Variants in CLMN observed in about 807,000 individuals in gnomAD.
The protein encoded by CLMN is calmin (calponin-like, transmembrane).
CLMN carries 57 observed loss-of-function variants against 92.7 expected under a neutral mutation model. The observed-to-expected ratio is 0.61, with a 90% CI of 0.50 to 0.77. The LOEUF is 0.77. Among genes scored for constraint, CLMN ranks in the 30% least tolerant of loss-of-function variants. The pLI is 0.00. For synonymous variants in CLMN, 466 were observed against 470.6 expected (o/e 0.99, Z 0.13); for missense variants, 1,158 against 1,237.5 (o/e 0.94, Z 0.96).
chr14:95,195,993 T>C (rs1157693611), intron 10 of CLMN, among the ~76,000 whole-genome samples: 2 of 152,214 alleles, frequency 1.3e-5, no homozygotes, highest in East Asian at 1.9e-4. Flanking sequence ...CAAGCATCCC[T>C]ACTTCCTTGG....
intron 4 of CLMN, among the ~76,000 whole-genome samples, chr14:95,216,632 TTAGAAA>T (rs1566873255): frequency 5.3e-5 from 8 of 152,224 alleles, no homozygotes; most frequent in Non-Finnish European, 1.0e-4. Context: ...TGACTGCTAA[TTAGAAA>T]TAGTGTACTG....
At chr14:95,286,493 T>G (rs188095243) in intron 1 of CLMN, among the ~76,000 whole-genome samples, 1 of 152,186 alleles carries the variant, frequency 6.6e-6, no homozygotes, top group Non-Finnish European at 1.5e-5. Flanking sequence ...AAATGGGGAG[T>G]GACTCCTTAA....
intron 1 of CLMN, among the ~76,000 whole-genome samples, chr14:95,298,521 C>T (rs545500598): frequency 3.3e-5 from 5 of 152,310 alleles, no homozygotes; most frequent in East Asian, 1.9e-4. Flanking sequence ...TAACCTCAGT[C>T]GCAGGAATGT....
At chr14:95,208,228 G>C (rs1897099406) in intron 8 of CLMN, among the ~76,000 whole-genome samples, 1 of 152,124 alleles carries the variant, frequency 6.6e-6, no homozygotes, top group South Asian at 2.1e-4. Context: ...CGCTCCACAA[G>C]GCCAGGGACC....
chr14:95,206,954 CT>C (rs5810716), intron 8 of CLMN, among the ~76,000 whole-genome samples: 159 of 147,602 alleles, frequency 1.1e-3, no homozygotes, highest in South Asian at 7.9e-3. Flanking sequence ...ATAATCACTA[CT>C]TTTTTTTTTT....
At chr14:95,311,539 A>G (rs1185104510) in intron 1 of CLMN, among the ~76,000 whole-genome samples, 1 of 152,084 alleles carries the variant, frequency 6.6e-6, no homozygotes, top group African/African-American at 2.4e-5. Context: ...AATTCCCCAA[A>G]TCCTGCTTGC....
intron 1 of CLMN, among the ~76,000 whole-genome samples, chr14:95,302,055 A>C (rs1356726158): frequency 6.6e-6 from 1 of 152,208 alleles, no homozygotes; most frequent in Admixed American, 6.5e-5. Context: ...CCCATCTCGA[A>C]AAAAGAAAGG....
chr14:95,285,605 C>T (rs535640522), intron 1 of CLMN, among the ~76,000 whole-genome samples: 1 of 152,212 alleles, frequency 6.6e-6, no homozygotes, highest in East Asian at 1.9e-4. Flanking sequence ...GTATGACAGG[C>T]CCCACAGAGT....
At position 95,236,849 on chromosome 14, in the gene CLMN, C is replaced by T. The variant is rs567009395; in HGVS notation, c.83-6716G>A. 3.3e-5 allele frequency among the ~76,000 whole-genome samples: 5 copies of T among 152,074 alleles called. No individual in the cohort carries two copies. The South Asian group carries it at 6.2e-4, about 19-fold the overall frequency. On this transcript the variant is annotated intron_variant, in intron 1 of 12. Transcript: ENST00000298912. The stretch of plus-strand genomic sequence containing the variant: ...AGGTTGTGAGGACCAAGTTTATTAG[C>T]GCTGTCCTTGCCATACCATGTGGGG...
At position 95,191,390 on chromosome 14, in the gene CLMN, A is replaced by G. The variant is rs78223655; in HGVS notation, c.*174T>C. 2 of 449,754 alleles carry G rather than the reference A, an allele frequency of 4.4e-6. No individual in the cohort carries two copies. The highest frequency in any genetic ancestry group is 4.6e-5 in the South Asian group (1 of 21,714). 27.9% of individuals were successfully genotyped at this position (449,754 alleles called of 1,614,324 possible). On this transcript the variant is annotated 3_prime_UTR_variant, in exon 13 of 13. Transcript: ENST00000298912. The surrounding 1 kb of genome is among the most constrained non-coding windows in gnomAD (Gnocchi z 5.3). ...AAAAAAGCATGCTCAGGTTGTCCAG[A>G]AAAAAAAGGAAACCTGAAAAAAAAA...
chr14:95,211,666 AC>A (rs56012923), intron 6 of CLMN, among the ~76,000 whole-genome samples: 13,767 of 147,858 alleles, frequency 0.093, 1,095 homozygotes, highest in East Asian at 0.41. Flanking sequence ...AAAAAAAAAA[AC>A]CAAAAACAAC....
At chr14:95,271,387 C>T (rs899846339) in intron 1 of CLMN, among the ~76,000 whole-genome samples, 4 of 152,154 alleles carry the variant, frequency 2.6e-5, no homozygotes, top group Non-Finnish European at 5.9e-5. Context: ...CGTGTTCTCC[C>T]GACCTGTCTA....
rs1897836722 is a variant in CLMN, at chr14:95,230,118, A to C, written c.98T>G (p.Val33Gly). 6 of 1,614,108 alleles carry C rather than the reference A, an allele frequency of 3.7e-6. No individual in the cohort carries two copies. The highest frequency in any genetic ancestry group is 5.1e-6 in the Non-Finnish European group (6 of 1,180,040). The change falls in exon 2 of 13, where the codon GTG becomes GGG. Residue 33 changes from valine (V) to glycine (G), a missense_variant. Physicochemically the swap from Val to Gly is moderately radical, Grantham distance 109 (BLOSUM62 -3). Coordinates refer to ENST00000298912, the MANE Select transcript of CLMN (RefSeq NM_024734.4). ...CCATCGTGTAAAGGTCCTCTTCTGCACATTTTCCCTCTCAACTGAAAACAA... is the reference window on the plus strand; with the variant it reads ...CCATCGTGTAAAGGTCCTCTTCTGCCCATTTTCCCTCTCAACTGAAAACAA... Reference protein sequence around the residue: ...VQNLQVERENVQKRTFTRWIN... With the variant: ...VQNLQVERENGQKRTFTRWIN...
At chr14:95,281,609 A>T (rs1900146708) in intron 1 of CLMN, among the ~76,000 whole-genome samples, 1 of 152,170 alleles carries the variant, frequency 6.6e-6, no homozygotes, top group South Asian at 2.1e-4. Context: ...AAAAATCTAG[A>T]TTGATTTTCT....
chr14:95,285,281 G>A (rs991703173), intron 1 of CLMN, among the ~76,000 whole-genome samples: 22 of 152,184 alleles, frequency 1.4e-4, no homozygotes, highest in African/African-American at 4.6e-4. Context: ...TGTGAAAAAC[G>A]GACTAATACA....
At position 95,191,794 on chromosome 14, in the gene CLMN, C is replaced by T. The variant is rs1896569153; in HGVS notation, c.2841-62G>A. ...CAGGTTCCCAGGAAAGTGGACCCCACCCAGTGCTACCCGTCTCTCCCCGGC... is the reference window on the plus strand; with the variant it reads ...CAGGTTCCCAGGAAAGTGGACCCCATCCAGTGCTACCCGTCTCTCCCCGGC... On this transcript the variant is annotated intron_variant, in intron 12 of 12. Transcript: ENST00000298912. This position sits in a 1 kb window ranked among gnomAD's most constrained non-coding sequence, Gnocchi z 5.3. The T allele has an allele frequency of 5.4e-6, 8 of 1,489,726 alleles. No homozygotes were observed. Among genetic ancestry groups the T allele is most frequent in the African/African-American group, 2.8e-5 (2 of 71,628 alleles). The allele number at this position is 1,489,726 out of a possible 1,614,324, so 92.3% of individuals were successfully genotyped here. A position where few individuals can be genotyped will look rare whatever the true frequency, so the allele number is the denominator to read the frequency against.
chr14:95,237,433 G>A (rs1214947006), intron 1 of CLMN, among the ~76,000 whole-genome samples: 27 of 152,236 alleles, frequency 1.8e-4, no homozygotes, highest in Admixed American at 1.7e-3. Flanking sequence ...CACACTAAGC[G>A]CTGGGACAGC....
At chr14:95,311,974 C>T (rs960034836) in intron 1 of CLMN, among the ~76,000 whole-genome samples, 3 of 152,118 alleles carry the variant, frequency 2.0e-5, no homozygotes, top group Non-Finnish European at 4.4e-5. Flanking sequence ...GGGAAGCCTC[C>T]CCGGGTTTCT....
rs768381042 is a variant in CLMN, at chr14:95,210,741, C to T, written c.747G>A (p.Lys249=). 9 of 1,610,156 alleles carry T rather than the reference C, an allele frequency of 5.6e-6. No homozygotes were observed. Among genetic ancestry groups the T allele is most frequent in the Middle Eastern group, 3.3e-4 (2 of 6,056 alleles). The part of the protein sequence containing the change: ...LENSTRENLE[K]AFSIAQDALH... ...GGGCATCCTGTGCGATGCTGAAAGC[C>T]TTCTCTAGATTTTCTCGTGTGGAAT... Residue 249 remains lysine, a synonymous_variant, in exon 7 of 13, where the codon AAG becomes AAA. Transcript: ENST00000298912.
Sources: gnomAD v4.1 joint callset for allele counts (sites outside exome capture counted in the v4.1 genomes callset) on GRCh38, gnomAD v4.1.1 for gene constraint, Gnocchi (gnomAD v3.1) non-coding constraint, MANE v1.5 for transcripts, NCBI Gene and HGNC (gene_info 2026-07-23, HGNC 2026-07-21) for gene names.